Variants in SETBP1 observed in about 807,000 individuals in gnomAD.
SETBP1 encodes the protein SET-binding protein.
In SETBP1, 9 loss-of-function variants were observed where a neutral mutation model predicts 101.0. The observed-to-expected ratio is 0.09, with a 90% confidence interval of 0.05 to 0.16. The LOEUF is 0.16. Among genes scored for constraint, SETBP1 ranks in the 10% least tolerant of loss-of-function variants. SETBP1 has a pLI of 1.00. For synonymous variants in SETBP1, 818 were observed against 788.5 expected (o/e 1.04, Z -0.63); for missense variants, 1,858 against 2,033.8 (o/e 0.91, Z 1.66).
At chr18:44,800,533 AAGGGC>A (rs904772426) in intron 2 of SETBP1, among the ~76,000 whole-genome samples, 1 of 152,168 alleles carries the variant, frequency 6.6e-6, no homozygotes, top group East Asian at 1.9e-4. Context: ...TGGTGCTGGG[AAGGGC>A]AGGAAGCTTT....
intron 2 of SETBP1, among the ~76,000 whole-genome samples, chr18:44,799,387 C>T (rs533148500): frequency 9.2e-5 from 14 of 152,118 alleles, no homozygotes; most frequent in Non-Finnish European, 1.5e-4. Context: ...TTCCGAGAAG[C>T]CTTGCCTATT....
At chr18:45,055,599 C>T (rs928726429) in intron 5 of SETBP1, among the ~76,000 whole-genome samples, 7 of 151,884 alleles carry the variant, frequency 4.6e-5, no homozygotes, top group Non-Finnish European at 8.8e-5. Context: ...TTAAAGTTCT[C>T]TTTCTGAATT....
chr18:44,874,079 C>G (rs958087787), intron 3 of SETBP1, among the ~76,000 whole-genome samples: 22 of 152,194 alleles, frequency 1.4e-4, no homozygotes, highest in African/African-American at 5.1e-4. Context: ...CTCTCATCTA[C>G]TTTGGTTTTT....
intron 2 of SETBP1, among the ~76,000 whole-genome samples, chr18:44,826,202 T>C (rs2072234028): frequency 6.6e-6 from 1 of 152,202 alleles, no homozygotes; most frequent in Non-Finnish European, 1.5e-5. Context: ...GGAGGTTCAC[T>C]GTGGTTGCCT....
At chr18:44,785,582 G>A (rs574310573) in intron 2 of SETBP1, among the ~76,000 whole-genome samples, 9 of 152,322 alleles carry the variant, frequency 5.9e-5, no homozygotes, top group African/African-American at 2.2e-4. Flanking sequence ...AGAGGAGTAT[G>A]TTTATTGATT....
chr18:44,983,240 G>A lies in SETBP1; in HGVS notation c.4000+29900G>A, dbSNP rs118065145. On this transcript the variant is annotated intron_variant, in intron 4 of 5. Transcript: ENST00000649279. ...AGACAGATTTTGTGCGTATCAAAACGTGATTGGGGAAAAACAGGTACACGT... is the reference window on the plus strand; with the variant it reads ...AGACAGATTTTGTGCGTATCAAAACATGATTGGGGAAAAACAGGTACACGT... 9.2e-4 allele frequency among the ~76,000 whole-genome samples: 140 copies of A among 152,270 alleles called. 1 individual carries two copies. The highest frequency in any genetic ancestry group is 1.6e-3 in the Non-Finnish European group (106 of 68,026).
At chr18:44,845,020 G>A (rs888102027) in intron 2 of SETBP1, among the ~76,000 whole-genome samples, 4 of 152,346 alleles carry the variant, frequency 2.6e-5, no homozygotes, top group African/African-American at 7.2e-5. Context: ...GTGTGATTAT[G>A]TGAGGAAGAG....
At position 45,048,964 on chromosome 18, in the gene SETBP1, G is replaced by C. The variant is rs796692727; in HGVS notation, c.4171+10309G>C. ...TCCGCAGTCCGGCCTGGGCGACAGA[G>C]CGAGACTCCGTCTCAAAAAAAAAAA... is the stretch of plus-strand genomic sequence containing the variant. On this transcript the variant is annotated intron_variant, in intron 5 of 5. Transcript: ENST00000649279. Among the ~76,000 whole-genome samples, 122 of 99,996 alleles carry C rather than the reference G, an allele frequency of 1.2e-3. 2 individuals are homozygous for C. The highest frequency in any genetic ancestry group is 4.5e-3 in the African/African-American group (115 of 25,710). The allele number at this position is 99,996 out of a possible 152,430, so 65.6% of individuals were successfully genotyped here.
chr18:44,721,806 G>A (rs567277865), intron 2 of SETBP1, among the ~76,000 whole-genome samples: 1 of 152,194 alleles, frequency 6.6e-6, no homozygotes, highest in East Asian at 1.9e-4. Context: ...GAAGGTGGGG[G>A]AAGAGGGCAA....
chr18:44,788,721 T>C (rs2071301013), intron 2 of SETBP1, among the ~76,000 whole-genome samples: 1 of 151,886 alleles, frequency 6.6e-6, no homozygotes, highest in African/African-American at 2.4e-5. Flanking sequence ...CTATCAGTCA[T>C]GAAAGTGATC....
chr18:44,692,595 T>TA (rs2144139423), intron 1 of SETBP1, among the ~76,000 whole-genome samples: 1 of 152,238 alleles, frequency 6.6e-6, no homozygotes, highest in African/African-American at 2.4e-5. Context: ...GGCAGGTAAT[T>TA]AAAATGTTGA....
intron 4 of SETBP1, among the ~76,000 whole-genome samples, chr18:45,011,977 G>C (rs1311854529): frequency 6.6e-6 from 1 of 152,160 alleles, no homozygotes; most frequent in Admixed American, 6.5e-5. Flanking sequence ...AAAGATCCTA[G>C]TAAAATAAAG....
intron 3 of SETBP1, among the ~76,000 whole-genome samples, chr18:44,918,211 T>A (rs1424001446): frequency 9.9e-5 from 15 of 152,212 alleles, no homozygotes; most frequent in Admixed American, 9.8e-4. Flanking sequence ...CTGCATTATC[T>A]GTGTTTACTT....
intron 5 of SETBP1, among the ~76,000 whole-genome samples, chr18:45,041,718 T>C (rs2073511877): frequency 6.6e-6 from 1 of 152,180 alleles, no homozygotes; most frequent in Admixed American, 6.5e-5. Flanking sequence ...TCCCAGCATT[T>C]TGAGAGGCCA....
At chr18:44,910,065 C>T (rs1349183550) in intron 3 of SETBP1, among the ~76,000 whole-genome samples, 1 of 152,176 alleles carries the variant, frequency 6.6e-6, no homozygotes, top group Non-Finnish European at 1.5e-5. Context: ...CCATAACTAT[C>T]GGATGGGTGT....
At chr18:45,036,430 G>A (rs761711082) in intron 4 of SETBP1, among the ~76,000 whole-genome samples, 3 of 152,034 alleles carry the variant, frequency 2.0e-5, no homozygotes, top group Admixed American at 6.6e-5. Context: ...TACCTATTTG[G>A]ATGTGTCGCT....
chr18:44,713,674 G>A (rs983496255), intron 2 of SETBP1, among the ~76,000 whole-genome samples: 1 of 152,180 alleles, frequency 6.6e-6, no homozygotes, highest in Non-Finnish European at 1.5e-5. Flanking sequence ...CTTTCTAGAA[G>A]CTATGTCATT....
At chr18:44,842,853 T>C (rs1376663916) in intron 2 of SETBP1, among the ~76,000 whole-genome samples, 1 of 152,220 alleles carries the variant, frequency 6.6e-6, no homozygotes, top group Non-Finnish European at 1.5e-5. Context: ...GATGCAGCCC[T>C]GATCCCTCAT....
At chr18:45,016,729 GCGCA>G (rs1240719374) in intron 4 of SETBP1, among the ~76,000 whole-genome samples, 2 of 121,296 alleles carry the variant, frequency 1.6e-5, no homozygotes, top group Non-Finnish European at 3.4e-5. Context: ...ACATTGGTGC[GCGCA>G]CACACACACA....
Sources: allele counts gnomAD v4.1 joint callset (sites outside exome capture counted in the v4.1 genomes callset), GRCh38; gene constraint gnomAD v4.1.1; transcripts MANE v1.5; gene names NCBI Gene and HGNC (gene_info 2026-07-23, HGNC 2026-07-21).